Variants in EIF3B observed in about 807,000 individuals in gnomAD.
EIF3B encodes the protein eukaryotic translation initiation factor 3 subunit 9.
A neutral mutation model predicts 104.6 loss-of-function variants in EIF3B; 10 were observed. That is an observed-to-expected ratio of 0.10 (90% CI 0.06 to 0.16). The LOEUF (loss-of-function observed/expected upper bound fraction) is 0.16, where lower values mean the gene tolerates loss of function less well. Among genes scored for constraint, EIF3B ranks in the 10% least tolerant of loss-of-function variants. EIF3B has a pLI of 1.00. For missense variants in EIF3B, 1,014 were observed against 1,087.9 expected, an observed-to-expected ratio of 0.93 and a Z score of 0.96; for synonymous variants, 542 against 417.2, an observed-to-expected ratio of 1.30 and a Z score of -3.65.
chr7:2,369,621 A>C lies in EIF3B; in HGVS notation c.1553A>C (p.His518Pro). ...NLFNVVDCKL[H>P]WQKNGDYLCV... ...TTCAATGTGGTGGACTGCAAGCTCCATTGGCAGAAGAACGGAGACTACTTG... is the reference window on the plus strand; with the variant it reads ...TTCAATGTGGTGGACTGCAAGCTCCCTTGGCAGAAGAACGGAGACTACTTG... Residue 518 changes from histidine to proline, a missense_variant, in exon 10 of 19, where the codon CAT becomes CCT. Physicochemically the swap from His to Pro is moderately conservative, Grantham distance 77. Transcript: ENST00000360876. 1 of 1,614,202 alleles carries C rather than the reference A, an allele frequency of 6.2e-7. No individual in the cohort carries two copies.
At chr7:2,366,503 C>A (rs374204646) in intron 7 of EIF3B, 22 bp from the exon 8 acceptor site, 4 of 1,614,188 alleles carry the variant, frequency 2.5e-6, no homozygotes, top group Non-Finnish European at 3.4e-6. Context: ...TGGGAATACC[C>A]TGGCACTTTT....
intron 13 of EIF3B, 122 bp from the exon 14 acceptor site, chr7:2,375,267 T>C (rs1342790521): frequency 9.3e-6 from 12 of 1,284,740 alleles, no homozygotes; most frequent in South Asian, 1.3e-5. Context: ...GTTGCTGTGC[T>C]TGTTTCCATG....
At chr7:2,355,612 C>T (rs968291260) in intron 1 of EIF3B, among the ~76,000 whole-genome samples, 192 bp downstream of exon 1, 13 of 151,808 alleles carry the variant, frequency 8.6e-5, no homozygotes, top group African/African-American at 2.7e-4. Flanking sequence ...CAGCGCCTCC[C>T]CTTTTCTTTC....
chr7:2,375,224 A>G lies in EIF3B; in HGVS notation c.1890-165A>G, dbSNP rs371322429. ...ACTCACTGCACACTCTGCATCTGTG[A>G]TTTGGTAAGTCTCACAGCGGCCACC... On this transcript the variant is annotated intron_variant, in intron 13 of 18. Coordinates refer to ENST00000360876, the MANE Select transcript of EIF3B (RefSeq NM_001037283.2). The G allele has an allele frequency of 8.7e-4, 634 of 728,088 alleles. 9 individuals are homozygous for G. The South Asian group carries it at 0.01, about 12-fold the overall frequency. 45.1% of individuals were successfully genotyped at this position (728,088 alleles called of 1,614,324 possible). A position where few individuals can be genotyped will look rare whatever the true frequency, so the allele number is the denominator to read the frequency against.
chr7:2,355,389 C>G lies in EIF3B; in HGVS notation c.468C>G (p.Pro156=), dbSNP rs1281035836. ...CGGACGAGCCCTCCTTCAGCGACCC[C>G]GAGGACTTCGTGGACGACGTGAGCG... ...GDADEPSFSD[P]EDFVDDVSEE... The change falls in exon 1 of 19, where the codon CCC becomes CCG. Residue 156 remains proline, a synonymous_variant. Coordinates refer to ENST00000360876, the MANE Select transcript of EIF3B (RefSeq NM_001037283.2). 2.1e-5 allele frequency: 31 copies of G among 1,511,004 alleles called. No individual in the cohort carries two copies. Among genetic ancestry groups the G allele is most frequent in the East Asian group, 2.0e-4 (8 of 39,346 alleles). The allele number at this position is 1,511,004 out of a possible 1,614,324, so 93.6% of individuals were successfully genotyped here.
intron 10 of EIF3B, among the ~76,000 whole-genome samples, chr7:2,370,449 C>G (rs372533182): frequency 1.2e-3 from 180 of 152,154 alleles, no homozygotes; most frequent in African/African-American, 4.2e-3. Context: ...CCACTGCACC[C>G]CAGCCTGGCG....
At chr7:2,368,289 C>T (rs755336261) in intron 9 of EIF3B, among the ~76,000 whole-genome samples, 7 of 151,982 alleles carry the variant, frequency 4.6e-5, no homozygotes, top group Non-Finnish European at 7.4e-5. Context: ...ATTACAGGCG[C>T]GCAACCACTA....
At chr7:2,366,889 C>T (rs1780055771) in intron 8 of EIF3B, 110 bp from the exon 9 acceptor site, 9 of 1,187,836 alleles carry the variant, frequency 7.6e-6, no homozygotes, top group Non-Finnish European at 1.1e-5. Context: ...GTGCACTGCC[C>T]CCTAGGCAAA....
Position 2,379,178 on chromosome 7 carries a change from G to A in EIF3B, c.2277G>A (p.Lys759=). 6.2e-7 allele frequency: 1 copy of A among 1,614,046 alleles called. No individual in the cohort carries two copies. Among genetic ancestry groups the A allele is most frequent in the South Asian group, 1.1e-5 (1 of 91,068 alleles). Reference sequence around the variant, plus strand: ...GCACCATGATGGAAGATTTCCGGAAGTACCGGAAAATGGCCCAGGAGCTCT... The same window carrying A: ...GCACCATGATGGAAGATTTCCGGAAATACCGGAAAATGGCCCAGGAGCTCT... ...RRRTMMEDFR[K]YRKMAQELYM... Residue 759 remains lysine (K), a synonymous_variant, in exon 17 of 19, where the codon AAG becomes AAA. Transcript: ENST00000360876.
In EIF3B at chr7:2,367,192, A is replaced by T. The variant is rs1032855298; in HGVS notation, c.1403+147A>T. On this transcript the variant is annotated intron_variant, in intron 9 of 18. Coordinates refer to ENST00000360876, the MANE Select transcript of EIF3B (RefSeq NM_001037283.2). The stretch of plus-strand genomic sequence containing the variant: ...CCCAGTTCTGGAGCTTGGGAGCTTG[A>T]GGTCAGGGTGCCTGCAGACTGTCTG... The T allele has an allele frequency of 2.0e-5, 15 of 737,958 alleles. No homozygotes were observed. In the East Asian group the frequency reaches 3.8e-4, roughly 19 times the overall value. The allele number at this position is 737,958 out of a possible 1,614,324, so 45.7% of individuals were successfully genotyped here. A position where few individuals can be genotyped will look rare whatever the true frequency, so the allele number is the denominator to read the frequency against.
At chr7:2,369,210 CTG>C (rs1210066770) in intron 9 of EIF3B, among the ~76,000 whole-genome samples, 2 of 152,180 alleles carry the variant, frequency 1.3e-5, no homozygotes, top group African/African-American at 2.4e-5. Context: ...CCATATGAGT[CTG>C]TGCGTGATGG....
intron 6 of EIF3B, 88 bp downstream of exon 6, chr7:2,364,617 A>C (rs912006309): frequency 7.9e-7 from 1 of 1,273,830 alleles, no homozygotes; most frequent in African/African-American, 1.5e-5. Flanking sequence ...TAGCATTTCA[A>C]ACTTAGTAGA....
rs970681349 is a variant in EIF3B at position 2,377,141 on chromosome 7, GT to G, written c.2154+72del. On this transcript the variant is annotated intron_variant, in intron 15 of 18. Transcript: ENST00000360876. Reference sequence around the variant, plus strand: ...CAATTGTGGCGTTGAAAAGGTGTCAGTTTTTTCTGTTATTGTTAGGGTGGTG... The same window carrying G: ...CAATTGTGGCGTTGAAAAGGTGTCAGTTTTTCTGTTATTGTTAGGGTGGTG... The G allele has an allele frequency of 6.5e-6, 10 of 1,528,634 alleles. No individual in the cohort carries two copies. In the African/African-American group the frequency reaches 9.7e-5, roughly 15 times the overall value. The allele number at this position is 1,528,634 out of a possible 1,614,324, so 94.7% of individuals were successfully genotyped here.
intron 9 of EIF3B, among the ~76,000 whole-genome samples, chr7:2,369,173 G>A (rs1187909318): frequency 6.6e-6 from 1 of 152,206 alleles, no homozygotes; most frequent in Non-Finnish European, 1.5e-5. Flanking sequence ...TGTCTTAAGA[G>A]TGGGCTGACG....
chr7:2,379,274 T>C (rs1248738304), intron 17 of EIF3B, 32 bp downstream of exon 17: 1 of 1,593,352 alleles, frequency 6.3e-7, no homozygotes, highest in Admixed American at 1.7e-5. Context: ...CCCCAGGAGC[T>C]GGCCCTTACG....
At position 2,363,635 on chromosome 7, in the gene EIF3B, A is replaced by G. The variant is rs749195609; in HGVS notation, c.874A>G (p.Asn292Asp). 1 of 1,597,818 alleles carries G rather than the reference A, an allele frequency of 6.3e-7. No individual in the cohort carries two copies. The highest frequency in any genetic ancestry group is 8.5e-7 in the Non-Finnish European group (1 of 1,175,518). Residue 292 changes from asparagine (N) to aspartate (D), a missense_variant, in exon 5 of 19, where the codon AAC (asparagine) becomes GAC (aspartate). Asn to Asp is a conservative substitution (Grantham distance 23). Coordinates refer to ENST00000360876, the MANE Select transcript of EIF3B (RefSeq NM_001037283.2). Reference protein sequence around the residue: ...PEKQPFKDLGNLRYWLEEAEC... With the variant: ...PEKQPFKDLGDLRYWLEEAEC... ...ATTCCTTGTCTTTGTTTTTAAGGGG[A>G]ACTTACGTTACTGGCTTGAAGAGGC...
At chr7:2,372,066 G>A (rs560710095) in intron 11 of EIF3B, 1 of 521,944 alleles carries the variant, frequency 1.9e-6, no homozygotes, top group South Asian at 2.2e-5. Context: ...AATTAGCCAG[G>A]TGTGGTGGTG....
intron 9 of EIF3B, among the ~76,000 whole-genome samples, chr7:2,368,959 T>A (rs968143978): frequency 6.6e-6 from 1 of 152,238 alleles, no homozygotes; most frequent in Non-Finnish European, 1.5e-5. Flanking sequence ...AAAGATGTTT[T>A]TCATGTAGGT....
chr7:2,374,457 C>A, intron 12 of EIF3B, 71 bp from the exon 13 acceptor site: 2 of 1,499,442 alleles, frequency 1.3e-6, no homozygotes, highest in South Asian at 2.3e-5. Context: ...ACGGCCAAGT[C>A]CTCCAGCCTT....
Sources: allele counts gnomAD v4.1 joint callset (sites outside exome capture counted in the v4.1 genomes callset), GRCh38; gene constraint gnomAD v4.1.1; transcripts MANE v1.5; gene names NCBI Gene and HGNC (gene_info 2026-07-23, HGNC 2026-07-21).